EPHB1: variants seen among roughly 807,000 people sequenced by gnomAD.
EPHB1 encodes ephrin type-B receptor 1.
Under a neutral mutation model 94.4 loss-of-function variants are expected in EPHB1, and 30 were observed. The observed-to-expected ratio is 0.32, with a 90% CI of 0.24 to 0.43. The LOEUF (loss-of-function observed/expected upper bound fraction) is 0.43, where lower values mean the gene tolerates loss of function less well. Ranked by LOEUF, EPHB1 falls within the 20% of genes least tolerant of loss-of-function variation. The pLI, the probability that EPHB1 is intolerant of heterozygous loss-of-function variation, is 1.00. For missense variants in EPHB1, 1,055 were observed against 1,308.3 expected (o/e 0.81, Z 2.99); for synonymous variants, 522 against 489.1 (o/e 1.07, Z -0.89).
intron 5 of EPHB1, among the ~76,000 whole-genome samples, chr3:135,148,242 A>C (rs1941079374): frequency 6.6e-6 from 1 of 152,222 alleles, no homozygotes; most frequent in South Asian, 2.1e-4. Flanking sequence ...CCTATCAGAT[A>C]AGGAAAACAA....
At chr3:134,853,567 G>T (rs1308648582) in intron 1 of EPHB1, among the ~76,000 whole-genome samples, 1 of 152,246 alleles carries the variant, frequency 6.6e-6, no homozygotes, top group Non-Finnish European at 1.5e-5. Flanking sequence ...ACCACTTTGG[G>T]TTGACTTTGA....
intron 3 of EPHB1, among the ~76,000 whole-genome samples, chr3:135,068,655 T>G (rs113214313): frequency 0.09 from 13,553 of 150,670 alleles, 808 homozygotes; most frequent in African/African-American, 0.17. Context: ...TAATTTTTTT[T>G]TTTTTGTTTT....
chr3:135,169,012 T>C lies in EPHB1; in HGVS notation c.1759+2006T>C, dbSNP rs989256262. ...TCCAAACATTGGGTGGGGTGAAACT[T>C]TGTGCCCTTTCGGCTACTGCAACCT... On this transcript the variant is annotated intron_variant, in intron 9 of 15. Transcript: ENST00000398015. Among the ~76,000 whole-genome samples, 3 of 152,066 alleles carry C rather than the reference T, an allele frequency of 2.0e-5. 1 individual carries two copies. Among genetic ancestry groups the C allele is most frequent in the Admixed American group, 6.5e-5 (1 of 15,276 alleles).
At chr3:134,802,507 T>C (rs543097753) in intron 1 of EPHB1, among the ~76,000 whole-genome samples, 1 of 152,078 alleles carries the variant, frequency 6.6e-6, no homozygotes, top group Admixed American at 6.6e-5. Flanking sequence ...ACATCAGGGA[T>C]CGGAAAGAAT....
intron 5 of EPHB1, among the ~76,000 whole-genome samples, chr3:135,152,115 C>T (rs955672426): frequency 6.6e-6 from 1 of 152,132 alleles, no homozygotes; most frequent in Non-Finnish European, 1.5e-5. Flanking sequence ...GGAAAAGAGC[C>T]ATCTTGGGTG....
At chr3:135,207,674 C>G (rs1426731620) in intron 12 of EPHB1, among the ~76,000 whole-genome samples, 2 of 152,196 alleles carry the variant, frequency 1.3e-5, no homozygotes, top group African/African-American at 2.4e-5. Flanking sequence ...ACTTAAAGAA[C>G]AGTCACTGTT....
chr3:134,966,634 CA>C (rs764897421), intron 3 of EPHB1, among the ~76,000 whole-genome samples: 1 of 152,260 alleles, frequency 6.6e-6, no homozygotes, highest in Non-Finnish European at 1.5e-5. Flanking sequence ...CTTCCCCAGG[CA>C]GGGAGCTTGC....
intron 1 of EPHB1, among the ~76,000 whole-genome samples, chr3:134,907,825 C>T (rs1159057766): frequency 1.3e-5 from 2 of 152,196 alleles, no homozygotes; most frequent in Non-Finnish European, 2.9e-5. Flanking sequence ...GATTGCATTT[C>T]GGAAGTGAGG....
intron 3 of EPHB1, among the ~76,000 whole-genome samples, chr3:135,073,625 T>C (rs374108127): frequency 6.6e-6 from 1 of 152,228 alleles, no homozygotes; most frequent in Non-Finnish European, 1.5e-5. Context: ...TCATCAAATA[T>C]GCAGAGAGTG....
chr3:134,959,683 C>G (rs1000093754), intron 3 of EPHB1, among the ~76,000 whole-genome samples: 2 of 152,120 alleles, frequency 1.3e-5, no homozygotes, highest in Non-Finnish European at 2.9e-5. Flanking sequence ...TGCTTATGAA[C>G]CAGCAGATAA....
intron 5 of EPHB1, among the ~76,000 whole-genome samples, chr3:135,147,444 C>T (rs900967978): frequency 6.6e-6 from 1 of 152,176 alleles, no homozygotes; most frequent in Non-Finnish European, 1.5e-5. Context: ...TTTATAGAGG[C>T]ATTATTCTTC....
rs559128879 is a variant in EPHB1 at position 135,084,235 on chromosome 3, C to T, written c.806-22213C>T. Among the ~76,000 whole-genome samples the T allele has an allele frequency of 6.6e-5, 10 of 152,246 alleles. No homozygotes were observed. The South Asian group carries it at 1.2e-3, about 19-fold the overall frequency. On this transcript the variant is annotated intron_variant, in intron 3 of 15. Transcript: ENST00000398015. ...TCATTATTGATGGAGATGCCCTGCA[C>T]GCTAATGGGAAAATCTCTCCAGGAG...
chr3:134,831,979 C>T (rs1028614412), intron 1 of EPHB1, among the ~76,000 whole-genome samples: 1 of 152,106 alleles, frequency 6.6e-6, no homozygotes, highest in Non-Finnish European at 1.5e-5. Context: ...CTTGTGAGAG[C>T]GGCATTGTTC....
chr3:135,053,688 G>A (rs1408496971), intron 3 of EPHB1, among the ~76,000 whole-genome samples: 1 of 152,168 alleles, frequency 6.6e-6, no homozygotes, highest in Non-Finnish European at 1.5e-5. Context: ...TATGAAGATG[G>A]TCAAATAGTA....
intron 3 of EPHB1, among the ~76,000 whole-genome samples, chr3:135,080,791 C>T (rs960115823): frequency 4.1e-4 from 63 of 152,152 alleles, no homozygotes; most frequent in African/African-American, 1.4e-3. Flanking sequence ...ATAGCACCTA[C>T]CTCATAGTCT....
At chr3:134,929,808 G>A (rs2038870053) in intron 2 of EPHB1, among the ~76,000 whole-genome samples, 1 of 152,316 alleles carries the variant, frequency 6.6e-6, no homozygotes, top group Admixed American at 6.5e-5. Flanking sequence ...AGCAGAGGAG[G>A]ATGAACTTCA....
At chr3:134,941,938 T>C (rs1028417296) in intron 2 of EPHB1, among the ~76,000 whole-genome samples, 1 of 152,226 alleles carries the variant, frequency 6.6e-6, no homozygotes, top group Non-Finnish European at 1.5e-5. Context: ...GTCTTTCTCA[T>C]ACATCAAAGT....
chr3:135,115,049 T>C (rs574941188), intron 4 of EPHB1, among the ~76,000 whole-genome samples: 70 of 152,334 alleles, frequency 4.6e-4, no homozygotes, highest in African/African-American at 1.6e-3. Context: ...CTGGCCTGAC[T>C]TACACATAGA....
chr3:134,947,897 C>T (rs1157571845), intron 2 of EPHB1, among the ~76,000 whole-genome samples: 1 of 152,254 alleles, frequency 6.6e-6, no homozygotes, highest in African/African-American at 2.4e-5. Context: ...CTCAAGCAAT[C>T]CGCCCACTTC....
Sources: allele counts gnomAD v4.1 joint callset (sites outside exome capture counted in the v4.1 genomes callset), GRCh38; gene constraint gnomAD v4.1.1; transcripts MANE v1.5; gene names NCBI Gene and HGNC (gene_info 2026-07-23, HGNC 2026-07-21).